RIMS2: variants seen among roughly 807,000 people sequenced by gnomAD.
RIMS2 encodes the protein regulating synaptic membrane exocytosis protein 2.
RIMS2 carries 59 observed loss-of-function variants against 174.4 expected under a neutral mutation model. The ratio of observed to expected loss-of-function variants is 0.34; its 90% CI spans 0.27 to 0.42. The LOEUF is 0.42. RIMS2 is among the 10% of genes least tolerant of loss of function. The probability of loss-of-function intolerance (pLI) is 1.00; values close to 1 mark genes in which losing one functional copy is unlikely to be tolerated. For synonymous variants in RIMS2, 606 were observed against 572.5 expected, an observed-to-expected ratio of 1.06 and a Z score of -0.84; for missense variants, 1,620 against 1,666.3, an observed-to-expected ratio of 0.97 and a Z score of 0.48.
intron 19 of RIMS2, among the ~76,000 whole-genome samples, chr8:104,209,930 A>T (rs773629579): frequency 2.0e-5 from 3 of 152,178 alleles, no homozygotes; most frequent in Admixed American, 6.5e-5. Flanking sequence ...AGGGAAAGGG[A>T]TATATAAGAA....
intron 2 of RIMS2, among the ~76,000 whole-genome samples, chr8:103,713,748 G>A (rs1306339087): frequency 6.6e-6 from 1 of 152,084 alleles, no homozygotes; most frequent in Non-Finnish European, 1.5e-5. Flanking sequence ...AAATGATTCA[G>A]TGACTCCTCA....
At chr8:103,580,750 T>C (rs530296140) in intron 1 of RIMS2, among the ~76,000 whole-genome samples, 1 of 151,836 alleles carries the variant, frequency 6.6e-6, no homozygotes, top group African/African-American at 2.4e-5. Context: ...ACAGCTGAAT[T>C]CTACCATACA....
chr8:103,953,266 C>A (rs1030988573), intron 14 of RIMS2, among the ~76,000 whole-genome samples: 1 of 152,152 alleles, frequency 6.6e-6, no homozygotes, highest in Admixed American at 6.5e-5. Flanking sequence ...CAAAGATACT[C>A]CTTGAGAAGA....
At chr8:103,846,604 T>C (rs2098969134) in intron 3 of RIMS2, among the ~76,000 whole-genome samples, 1 of 152,156 alleles carries the variant, frequency 6.6e-6, no homozygotes, top group Admixed American at 6.6e-5. Flanking sequence ...AGCTGGAAGA[T>C]GAGTGCACTA....
chr8:103,926,924 A>T (rs991001760), intron 10 of RIMS2, among the ~76,000 whole-genome samples: 1 of 151,508 alleles, frequency 6.6e-6, no homozygotes, highest in Non-Finnish European at 1.5e-5. Context: ...TAGTTATTTA[A>T]TTAGAACTGG....
intron 2 of RIMS2, among the ~76,000 whole-genome samples, chr8:103,748,372 G>C (rs1332380422): frequency 6.6e-6 from 1 of 151,960 alleles, no homozygotes; most frequent in Admixed American, 6.6e-5. Context: ...TTGAACCTAG[G>C]AAGTTGCGGC....
intron 1 of RIMS2, among the ~76,000 whole-genome samples, chr8:103,592,699 T>G (rs1273932739): frequency 1.3e-5 from 2 of 151,390 alleles, no homozygotes; most frequent in Non-Finnish European, 3.0e-5. Context: ...TTACATCTGG[T>G]GCAGAAGCAA....
intron 19 of RIMS2, among the ~76,000 whole-genome samples, chr8:104,202,425 T>A (rs2099059657): frequency 6.6e-6 from 1 of 152,240 alleles, no homozygotes; most frequent in Admixed American, 6.5e-5. Flanking sequence ...GTGAAAGCTT[T>A]TGAAAGCACT....
In RIMS2 at chr8:104,057,725, C is replaced by G. The variant is rs1472537780; in HGVS notation, c.3334+43110C>G. 6.1e-5 allele frequency among the ~76,000 whole-genome samples: 7 copies of G among 115,434 alleles called. No individual in the cohort carries two copies. The South Asian group carries it at 1.9e-3, about 32-fold the overall frequency. 75.7% of individuals were successfully genotyped at this position (115,434 alleles called of 152,430 possible). On this transcript the variant is annotated intron_variant, in intron 19 of 23. Coordinates refer to ENST00000504942, the Ensembl canonical transcript of RIMS2. ...TAATGCTATCTCTTCCCCCTCCCCC[C>G]ACCCCACAACAGTCCCCAGAGTGTG...
chr8:103,553,398 A>G (rs1848953549), intron 1 of RIMS2, among the ~76,000 whole-genome samples: 1 of 152,096 alleles, frequency 6.6e-6, no homozygotes, highest in South Asian at 2.1e-4. Context: ...TTTAACAATG[A>G]CAACACTTGG....
intron 3 of RIMS2, among the ~76,000 whole-genome samples, chr8:103,833,404 C>A (rs982136998): frequency 6.6e-6 from 1 of 151,788 alleles, no homozygotes; most frequent in African/African-American, 2.4e-5. Flanking sequence ...AATTTATGTT[C>A]TTTTTTAAAC....
At chr8:103,931,373 T>G (rs1203468240) in exon 12 of RIMS2, 1 of 1,598,410 alleles carries the variant, frequency 6.3e-7, no homozygotes, top group Admixed American at 1.8e-5. Flanking sequence ...ATGTTAAAAT[T>G]TACTTTCTTC....
intron 19 of RIMS2, among the ~76,000 whole-genome samples, chr8:104,081,318 TAAA>T (rs2097416182): frequency 6.6e-6 from 1 of 152,046 alleles, no homozygotes; most frequent in African/African-American, 2.4e-5. Context: ...CAATAGAACA[TAAA>T]ACATGCTTTT....
intron 3 of RIMS2, among the ~76,000 whole-genome samples, chr8:103,861,259 C>T (rs1564965494): frequency 6.6e-6 from 1 of 152,060 alleles, no homozygotes; most frequent in Non-Finnish European, 1.5e-5. Context: ...AGTTATTTCA[C>T]TTAGGCTAAT....
chr8:104,027,697 T>C (rs887354229), intron 19 of RIMS2, among the ~76,000 whole-genome samples: 5 of 152,218 alleles, frequency 3.3e-5, no homozygotes, highest in Non-Finnish European at 5.9e-5. Context: ...AATTGTAACA[T>C]ATTTCTCTCA....
intron 2 of RIMS2, among the ~76,000 whole-genome samples, chr8:103,762,414 G>A (rs912921108): frequency 3.3e-5 from 5 of 152,070 alleles, no homozygotes; most frequent in Admixed American, 2.6e-4. Flanking sequence ...TCCTTATGTG[G>A]TTAACTTAAT....
At chr8:103,990,001 T>C (rs2094583416) in intron 17 of RIMS2, among the ~76,000 whole-genome samples, 1 of 152,168 alleles carries the variant, frequency 6.6e-6, no homozygotes, top group Admixed American at 6.5e-5. Context: ...TGTCACAAAC[T>C]TGGAAGTAAC....
At chr8:104,201,563 A>T (rs1191383460) in intron 19 of RIMS2, among the ~76,000 whole-genome samples, 1 of 152,204 alleles carries the variant, frequency 6.6e-6, no homozygotes, top group Non-Finnish European at 1.5e-5. Context: ...TTTCTATTAT[A>T]TTTAATTAAG....
intron 3 of RIMS2, among the ~76,000 whole-genome samples, chr8:103,788,406 C>G (rs2098463978): frequency 7.0e-6 from 1 of 143,418 alleles, no homozygotes; most frequent in Non-Finnish European, 1.5e-5. Context: ...GTGGTTTTAT[C>G]TACTTTTGGT....
Sources: gnomAD v4.1 joint callset for allele counts (sites outside exome capture counted in the v4.1 genomes callset) on GRCh38, gnomAD v4.1.1 for gene constraint, MANE v1.5 for transcripts, NCBI Gene and HGNC (gene_info 2026-07-23, HGNC 2026-07-21) for gene names.